The following KSR1 variants were observed in gnomAD, a reference collection of about 807,000 sequenced individuals.
KSR1 encodes the protein kinase suppressor of ras.
KSR1 carries 35 observed loss-of-function variants against 92.9 expected under a neutral mutation model. The ratio of observed to expected loss-of-function variants is 0.38; its 90% CI spans 0.29 to 0.50. KSR1 has a LOEUF of 0.50. KSR1 is among the 20% of genes least tolerant of loss of function. KSR1 has a pLI of 0.94. For synonymous variants in KSR1, 467 were observed against 472.6 expected (o/e 0.99, Z 0.15); for missense variants, 972 against 1,158.5 (o/e 0.84, Z 2.34).
At chr17:27,573,361 T>A (rs1469947880) in intron 2 of KSR1, among the ~76,000 whole-genome samples, 1 of 152,178 alleles carries the variant, frequency 6.6e-6, no homozygotes, top group Non-Finnish European at 1.5e-5. Context: ...TGCCGTTGGG[T>A]TTCTTGTTCA....
At chr17:27,600,720 G>A (rs979037959) in intron 10 of KSR1, among the ~76,000 whole-genome samples, 5 of 152,168 alleles carry the variant, frequency 3.3e-5, no homozygotes, top group African/African-American at 7.2e-5. Flanking sequence ...TAGGGCCACC[G>A]TCATGTATGT....
At chr17:27,591,101 C>T (rs2073151369) in intron 7 of KSR1, among the ~76,000 whole-genome samples, 2 of 152,070 alleles carry the variant, frequency 1.3e-5, no homozygotes, top group African/African-American at 4.8e-5. Context: ...CAAGGTAGAC[C>T]AAGGGGAAAA....
chr17:27,611,406 C>T, intron 17 of KSR1, 88 bp from the exon 18 acceptor site: 1 of 1,561,336 alleles, frequency 6.4e-7, no homozygotes, highest in Non-Finnish European at 8.7e-7. Flanking sequence ...GGGTCCTGAT[C>T]CTCTGGCTGG....
chr17:27,618,287 C>T (rs1412215618), intron 19 of KSR1, among the ~76,000 whole-genome samples: 1 of 152,218 alleles, frequency 6.6e-6, no homozygotes, highest in South Asian at 2.1e-4. Flanking sequence ...AGGCCACTGT[C>T]GTCTCTCCTG....
chr17:27,505,114 T>C (rs1315420788), intron 1 of KSR1, among the ~76,000 whole-genome samples: 2 of 152,208 alleles, frequency 1.3e-5, no homozygotes, highest in Admixed American at 6.5e-5. Context: ...ACAGCTCTGA[T>C]AGCACCTGTG....
At chr17:27,619,944 C>T (rs1404194962) in intron 19 of KSR1, among the ~76,000 whole-genome samples, 3 of 152,178 alleles carry the variant, frequency 2.0e-5, no homozygotes, top group Non-Finnish European at 4.4e-5. Context: ...AAACTCCAAA[C>T]GCCTTGGCCT....
chr17:27,537,302 C>T (rs759651322), intron 1 of KSR1, among the ~76,000 whole-genome samples: 1 of 152,206 alleles, frequency 6.6e-6, no homozygotes, highest in African/African-American at 2.4e-5. Flanking sequence ...CGAAGGTACT[C>T]TAAGGTACTG....
intron 1 of KSR1, among the ~76,000 whole-genome samples, chr17:27,548,675 C>CA (rs1227179280): frequency 6.6e-6 from 1 of 152,110 alleles, no homozygotes; most frequent in Non-Finnish European, 1.5e-5. Context: ...ACTAAAAATA[C>CA]AAAAATTAGC....
chr17:27,566,889 C>T (rs1385770066), intron 2 of KSR1, among the ~76,000 whole-genome samples: 4 of 152,132 alleles, frequency 2.6e-5, no homozygotes, highest in South Asian at 2.1e-4. Context: ...AGCTTAAGAA[C>T]GTGGAGCTGT....
At position 27,477,851 on chromosome 17, in the gene KSR1, T is replaced by C. The variant is rs573139683; in HGVS notation, c.231+20977T>C. Among the ~76,000 whole-genome samples, 12 of 152,274 alleles carry C rather than the reference T, an allele frequency of 7.9e-5. No individual in the cohort carries two copies. In the East Asian group the frequency reaches 1.5e-3, roughly 20 times the overall value. On this transcript the variant is annotated intron_variant, in intron 1 of 20. Transcript: ENST00000644974. ...CCTCAGCCTTTTGAGTAGCTGGGAC[T>C]ATAGATATGCGCCACTACACATAGC...
chr17:27,526,495 T>G, intron 1 of KSR1: 1 of 1,603,090 alleles, frequency 6.2e-7, no homozygotes, highest in Non-Finnish European at 8.5e-7. Context: ...AACTTCATTT[T>G]TATCCTGTGT....
At chr17:27,549,340 G>A (rs1364082159) in intron 1 of KSR1, among the ~76,000 whole-genome samples, 1 of 152,130 alleles carries the variant, frequency 6.6e-6, no homozygotes, top group African/African-American at 2.4e-5. Context: ...GCCAAGCCAG[G>A]CAACTCCCTG....
chr17:27,574,792 GAGCTTTAT>G (rs1217964497), intron 2 of KSR1, among the ~76,000 whole-genome samples: 2 of 152,208 alleles, frequency 1.3e-5, no homozygotes, highest in Non-Finnish European at 2.9e-5. Flanking sequence ...CAAGAACTGT[GAGCTTTAT>G]AGCAGTCATT....
At chr17:27,522,508 C>T (rs117778411) in intron 1 of KSR1, among the ~76,000 whole-genome samples, 2,903 of 152,306 alleles carry the variant, frequency 0.019, 44 homozygotes, top group Non-Finnish European at 0.026. Context: ...TCATGAGCCA[C>T]CACCAGAGAT....
rs551766456 is a variant in KSR1, at chr17:27,480,177, T to C, written c.231+23303T>C. Among the ~76,000 whole-genome samples, 18 of 152,254 alleles carry C rather than the reference T, an allele frequency of 1.2e-4. No individual in the cohort carries two copies. The East Asian group carries it at 3.5e-3, about 29-fold the overall frequency. On this transcript the variant is annotated intron_variant, in intron 1 of 20. Transcript: ENST00000644974. ...AGCCCCTTGGGCCACCTTCCTGTTC[T>C]CACATCCCCTAGATGCCCCCAGGCC...
rs79920783 is a variant in KSR1 at position 27,590,925 on chromosome 17, G to A, written c.1130+31G>A. 7.1e-3 allele frequency: 11,103 copies of A among 1,567,980 alleles called. 744 individuals are homozygous for A. In the East Asian group the frequency reaches 0.17, roughly 23 times the overall value. On this transcript the variant is annotated intron_variant, in intron 7 of 20. Coordinates refer to ENST00000644974, the MANE Select transcript of KSR1 (RefSeq NM_001394583.1). Reference sequence around the variant, plus strand: ...GGGAAGAGGAGTGGGGGTGGGGGGAGCAGACACTTTTAGTTCAGTAAATCA... The same window carrying A: ...GGGAAGAGGAGTGGGGGTGGGGGGAACAGACACTTTTAGTTCAGTAAATCA...
In KSR1 at chr17:27,577,404, C is replaced by G; in HGVS notation, c.373-88C>G. Reference sequence around the variant, plus strand: ...GGCCCAGCCAGCAGCTGGCCCCTGCCACTCAGCAGGAGGCCAGCCTGAGGC... The same window carrying G: ...GGCCCAGCCAGCAGCTGGCCCCTGCGACTCAGCAGGAGGCCAGCCTGAGGC... On this transcript the variant is annotated intron_variant, in intron 2 of 20. Transcript: ENST00000644974. The surrounding 1 kb of genome is among the most constrained non-coding windows in gnomAD (Gnocchi z 4.5). 1.3e-6 allele frequency: 1 copy of G among 786,128 alleles called. No homozygotes were observed. The highest frequency in any genetic ancestry group is 2.0e-6 in the Non-Finnish European group (1 of 493,162). The allele number at this position is 786,128 out of a possible 1,614,324, so 48.7% of individuals were successfully genotyped here.
intron 5 of KSR1, among the ~76,000 whole-genome samples, chr17:27,586,895 C>T (rs923135954): frequency 2.8e-4 from 42 of 152,138 alleles, no homozygotes; most frequent in Admixed American, 2.0e-4. Flanking sequence ...TCTTTTGAGA[C>T]GAAATCTCGC....
chr17:27,504,889 CAA>C (rs562978780), intron 1 of KSR1, among the ~76,000 whole-genome samples: 129 of 152,316 alleles, frequency 8.5e-4, no homozygotes, highest in African/African-American at 2.9e-3. Context: ...CAGCACAGAG[CAA>C]AGTCAGCTTG....
Sources: allele counts gnomAD v4.1 joint callset (sites outside exome capture counted in the v4.1 genomes callset), GRCh38; gene constraint gnomAD v4.1.1; non-coding constraint Gnocchi (gnomAD v3.1); transcripts MANE v1.5; gene names NCBI Gene and HGNC (gene_info 2026-07-23, HGNC 2026-07-21).